Variants in SLC26A8 observed in about 807,000 individuals in gnomAD.
SLC26A8 encodes testis anion transporter 1.
SLC26A8 carries 70 observed loss-of-function variants against 105.0 expected under a neutral mutation model. The ratio of observed to expected loss-of-function variants is 0.67; its 90% CI spans 0.55 to 0.81. The LOEUF is 0.81. SLC26A8 is among the 40% of genes least tolerant of loss of function. The pLI, the probability that SLC26A8 is intolerant of heterozygous loss-of-function variation, is 0.00. For synonymous variants in SLC26A8, 415 were observed against 438.3 expected (o/e 0.95, Z 0.66); for missense variants, 998 against 1,181.8 (o/e 0.84, Z 2.28).
At chr6:35,993,187 G>GT (rs1761232159) in intron 5 of SLC26A8, among the ~76,000 whole-genome samples, 2 of 50,080 alleles carry the variant, frequency 4.0e-5, no homozygotes, top group Non-Finnish European at 8.4e-5. Context: ...GATAGAGATT[G>GT]GAGGGGGGGG....
At chr6:35,977,826 T>C (rs1169562024) in intron 8 of SLC26A8, among the ~76,000 whole-genome samples, 1 of 152,174 alleles carries the variant, frequency 6.6e-6, no homozygotes. Flanking sequence ...GGCTCACGCC[T>C]GCAATCCCAG....
rs907751371 is a variant in SLC26A8 at position 35,960,854 on chromosome 6, C to T, written c.1627G>A (p.Asp543Asn). Residue 543 changes from aspartate to asparagine, a missense_variant, in exon 14 of 20, where the codon GAT becomes AAT. By Grantham distance (23) the Asp-to-Asn change is conservative. Transcript: ENST00000490799. ...ATTTGGATTCTTACCTCCCGATAATCATTGATGCTTCTATAAATGTTGGTG... is the reference window on the plus strand; with the variant it reads ...ATTTGGATTCTTACCTCCCGATAATTATTGATGCTTCTATAAATGTTGGTG... ...PNTNIYRSIN[D>N]YREIITIPGV... The T allele has an allele frequency of 6.2e-7, 1 of 1,614,016 alleles. No individual in the cohort carries two copies. The highest frequency in any genetic ancestry group is 1.3e-5 in the African/African-American group (1 of 74,910).
At chr6:36,006,099 G>T (rs373780659) in intron 3 of SLC26A8, among the ~76,000 whole-genome samples, 1 of 152,008 alleles carries the variant, frequency 6.6e-6, no homozygotes, top group Non-Finnish European at 1.5e-5. Flanking sequence ...GAGCTGGTTG[G>T]ATTCATTCAT....
intron 2 of SLC26A8, among the ~76,000 whole-genome samples, chr6:36,017,500 C>T (rs1212324471): frequency 6.6e-6 from 1 of 152,066 alleles, no homozygotes; most frequent in African/African-American, 2.4e-5. Context: ...GGCGTGGTGG[C>T]ACCTGCCTGT....
intron 2 of SLC26A8, among the ~76,000 whole-genome samples, chr6:36,016,467 T>C (rs564873161): frequency 6.6e-6 from 1 of 152,350 alleles, no homozygotes; most frequent in Admixed American, 6.5e-5. Context: ...CTTGACTTTG[T>C]CACCAGTAGA....
intron 12 of SLC26A8, 95 bp from the exon 13 acceptor site, chr6:35,961,194 CCTTACTACACCTGGG>C (rs1772295653): frequency 3.3e-6 from 3 of 919,910 alleles, no homozygotes. Context: ...TCACCCTCTC[CCTTACTACACCTGGG>C]CTTTAGGGAA....
intron 5 of SLC26A8, among the ~76,000 whole-genome samples, chr6:35,995,170 CTCT>C (rs1433630351): frequency 1.3e-5 from 2 of 152,210 alleles, no homozygotes; most frequent in Non-Finnish European, 2.9e-5. Flanking sequence ...ATATATGTTA[CTCT>C]TCTTCATACC....
Position 35,975,415 on chromosome 6 carries a change from G to T in SLC26A8, c.1247C>A (p.Ala416Asp). ...FRSCVFTGAI[A>D]RTIIQDKSGG... is the part of the protein sequence containing the mutation. ...AGATTTATCCTGGATAATAGTCCTAGCAATAGCACCAGTAAACACACAAGA... is the reference window on the plus strand; with the variant it reads ...AGATTTATCCTGGATAATAGTCCTATCAATAGCACCAGTAAACACACAAGA... The change falls in exon 10 of 20, where the codon GCT (alanine) becomes GAT (aspartate). Residue 416 changes from alanine (A) to aspartate (D), a missense_variant. Coordinates refer to ENST00000490799, the MANE Select transcript of SLC26A8 (RefSeq NM_052961.4). 6.2e-7 allele frequency: 1 copy of T among 1,613,198 alleles called. No homozygotes were observed. Among genetic ancestry groups the T allele is most frequent in the South Asian group, 1.1e-5 (1 of 91,036 alleles).
At position 35,951,265 on chromosome 6, in the gene SLC26A8, G is replaced by A. The variant is rs143363265; in HGVS notation, c.2370C>T (p.Asp790=). Reference sequence around the variant, plus strand: ...TCCTTGACAAGGCAAACAGCACGGCGTCGTGAACGCTGAGGAACAGCTGGG... The same window carrying A: ...TCCTTGACAAGGCAAACAGCACGGCATCGTGAACGCTGAGGAACAGCTGGG... ...TKTQLFLSVH[D]AVLFALSRKV... Residue 790 remains aspartate (D), a synonymous_variant, in exon 19 of 20, where the codon GAC becomes GAT. Coordinates refer to ENST00000490799, the MANE Select transcript of SLC26A8 (RefSeq NM_052961.4). 279 of 1,614,058 alleles carry A rather than the reference G, an allele frequency of 1.7e-4. No homozygotes were observed. Among genetic ancestry groups the A allele is most frequent in the Non-Finnish European group, 2.1e-4 (252 of 1,180,012 alleles).
At chr6:36,003,287 T>C (rs1761579280) in intron 3 of SLC26A8, among the ~76,000 whole-genome samples, 1 of 152,218 alleles carries the variant, frequency 6.6e-6, no homozygotes, top group African/African-American at 2.4e-5. Context: ...CCCAAGTGTT[T>C]TACATCATTT....
intron 16 of SLC26A8, 119 bp downstream of exon 16, chr6:35,959,341 T>C: frequency 8.7e-7 from 1 of 1,146,654 alleles, no homozygotes; most frequent in South Asian, 1.8e-5. Flanking sequence ...TCTGAATTCT[T>C]CATGGTCCAT....
intron 3 of SLC26A8, among the ~76,000 whole-genome samples, chr6:36,005,794 T>G (rs944843765): frequency 6.6e-6 from 1 of 152,234 alleles, no homozygotes; most frequent in Non-Finnish European, 1.5e-5. Flanking sequence ...TTTCACCCAC[T>G]GGTTTTAGCA....
chr6:35,962,473 C>T, intron 12 of SLC26A8, 53 bp downstream of exon 12: 4 of 1,446,902 alleles, frequency 2.8e-6, no homozygotes, highest in Non-Finnish European at 3.9e-6. Context: ...CTTTCTCCCT[C>T]TCTCCAACCT....
intron 11 of SLC26A8, among the ~76,000 whole-genome samples, chr6:35,968,595 G>GTGAAATATACATATGTGTGTA (rs1301127907): frequency 0.025 from 1,170 of 47,118 alleles, 4 homozygotes; most frequent in Non-Finnish European, 0.038. Flanking sequence ...GTGTATGTGT[G>GTGAAATATACATATGTGTGTA]TGTGTGTGTG....
In SLC26A8 at chr6:35,959,745, AC is replaced by A. The variant is rs1217747193; in HGVS notation, c.1699del (p.Val567PhefsTer4). Reference sequence around the variant, plus strand: ...TAACAGCTTATGCTTTAGGTAGTAAACATTTACAAATGTAATTGAGCTGCAG... The same window carrying A: ...TAACAGCTTATGCTTTAGGTAGTAAAATTTACAAATGTAATTGAGCTGCAG... ...QCCSSITFVN[V>X]YYLKHKLLKE... On this transcript the variant is annotated frameshift_variant, in exon 15 of 20. Transcript: ENST00000490799. LOFTEE classifies it high-confidence loss of function. 3 of 1,610,160 alleles carry A rather than the reference AC, an allele frequency of 1.9e-6. No individual in the cohort carries two copies. Among genetic ancestry groups the A allele is most frequent in the East Asian group, 4.5e-5 (2 of 44,836 alleles).
At chr6:35,977,126 A>T in intron 9 of SLC26A8, 78 bp downstream of exon 9, 1 of 1,472,356 alleles carries the variant, frequency 6.8e-7, no homozygotes, top group Non-Finnish European at 9.2e-7. Flanking sequence ...GTTAAAAAAG[A>T]CTCCTGCTTC....
intron 4 of SLC26A8, among the ~76,000 whole-genome samples, chr6:35,999,746 A>G (rs1761466232): frequency 6.6e-6 from 1 of 152,184 alleles, no homozygotes; most frequent in South Asian, 2.1e-4. Flanking sequence ...TGATTTCTTA[A>G]GGAAAGTACC....
chr6:36,013,788 T>C (rs967917069), intron 2 of SLC26A8, among the ~76,000 whole-genome samples: 3 of 152,184 alleles, frequency 2.0e-5, no homozygotes, highest in African/African-American at 7.2e-5. Flanking sequence ...CAACAACAAA[T>C]ATAACTTTAA....
At chr6:36,011,818 A>G (rs1385517038) in intron 3 of SLC26A8, among the ~76,000 whole-genome samples, 3 of 152,188 alleles carry the variant, frequency 2.0e-5, no homozygotes, top group Non-Finnish European at 4.4e-5. Context: ...TGTGTTAGCC[A>G]GGCTGGTCTG....
Sources: allele counts gnomAD v4.1 joint callset (sites outside exome capture counted in the v4.1 genomes callset), GRCh38; gene constraint gnomAD v4.1.1; transcripts MANE v1.5; gene names NCBI Gene and HGNC (gene_info 2026-07-23, HGNC 2026-07-21).